USP9Y: variants seen among roughly 807,000 people sequenced by gnomAD.
The protein encoded by USP9Y is ubiquitin carboxyl-terminal hydrolase 9Y.
In USP9Y, 41 loss-of-function variants were observed where a neutral mutation model predicts 53.1. The observed-to-expected ratio is 0.77, with a 90% CI of 0.60 to 1.00. USP9Y has a LOEUF of 1.00. Ranked by LOEUF, USP9Y falls within the 50% of genes least tolerant of loss-of-function variation. The pLI, the probability that USP9Y is intolerant of heterozygous loss-of-function variation, is 0.00. For missense variants in USP9Y, 567 were observed against 535.8 expected (o/e 1.06, Z -0.58); for synonymous variants, 220 against 173.7 (o/e 1.27, Z -2.09).
At chrY:12,768,692 A>G in intron 15 of USP9Y, among the ~76,000 whole-genome samples, 2 of 32,452 alleles carry the variant, frequency 6.2e-5, no homozygotes, top group African/African-American at 1.2e-4. Flanking sequence ...AAATTTTCCA[A>G]TACTCATCAT....
chrY:12,773,830 A>G lies in USP9Y; in HGVS notation c.2236A>G (p.Lys746Glu). The change falls in exon 17 of 46, where the codon AAA becomes GAA. Residue 746 changes from lysine to glutamate, a missense_variant. Physicochemically the swap from Lys to Glu is moderately conservative, Grantham distance 56. Coordinates refer to ENST00000338981, the MANE Select transcript of USP9Y (RefSeq NM_004654.4). ...AATGAAATGCTTTGAAAGATTTTTCAAAGCTGTCAATTGTCGAGAAAGGAA... is the reference window on the plus strand; with the variant it reads ...AATGAAATGCTTTGAAAGATTTTTCGAAGCTGTCAATTGTCGAGAAAGGAA... ...NGMKCFERFF[K>E]AVNCRERKLI... is the part of the protein sequence containing the mutation. The G allele has an allele frequency of 1.5e-5, 6 of 396,300 alleles. No homozygotes were observed. Among genetic ancestry groups the G allele is most frequent in the Non-Finnish European group, 2.1e-5 (6 of 282,948 alleles).
At chrY:12,809,401 T>G in intron 27 of USP9Y, among the ~76,000 whole-genome samples, 2 of 32,916 alleles carry the variant, frequency 6.1e-5, no homozygotes, top group African/African-American at 2.4e-4. Context: ...ACCTGTGGGT[T>G]TCATAAATAG....
At chrY:12,774,921 A>G (rs923573136) in intron 17 of USP9Y, among the ~76,000 whole-genome samples, 77 of 33,536 alleles carry the variant, frequency 2.3e-3, no homozygotes, top group Admixed American at 0.021. Context: ...CTATCAATTA[A>G]AAAACTATAT....
intron 2 of USP9Y, 36 bp from the exon 3 acceptor site, chrY:12,709,352 C>T: frequency 4.7e-6 from 1 of 212,207 alleles, no homozygotes; most frequent in Non-Finnish European, 8.2e-6. Context: ...GCTGGTACTT[C>T]ATCTTCTATA....
Position 12,822,843 on chromosome Y carries a change from G to A in USP9Y, c.5021+4233G>A, listed in dbSNP as rs570750668. Reference sequence around the variant, plus strand: ...TATATACCTTTACGCCACTATATCCGAAGGTTTTGCATCTTTTTTTGTTTG... The same window carrying A: ...TATATACCTTTACGCCACTATATCCAAAGGTTTTGCATCTTTTTTTGTTTG... On this transcript the variant is annotated intron_variant, in intron 33 of 45. Transcript: ENST00000338981. 4.7e-3 allele frequency among the ~76,000 whole-genome samples: 156 copies of A among 33,128 alleles called. No individual in the cohort carries two copies. The South Asian group carries it at 0.094, about 20-fold the overall frequency. 88.9% of individuals were successfully genotyped at this position (33,128 alleles called of 37,273 possible).
At chrY:12,711,325 C>T (rs779943122) in intron 3 of USP9Y, among the ~76,000 whole-genome samples, 3 of 32,696 alleles carry the variant, frequency 9.2e-5, no homozygotes, top group Admixed American at 2.8e-4. Context: ...CTTAGTCTGG[C>T]TAGAGGTTTA....
Position 12,847,278 on chromosome Y carries a change from G to T in USP9Y, c.7015G>T (p.Asp2339Tyr). ...SYTYELRPYL[D>Y]LLFQILLIED... ...TACCTATGAACTTCGGCCATATTTA[G>T]ATCTACTTTTCCAAATTTTACTGAT... Residue 2339 changes from aspartate to tyrosine, a missense_variant, in exon 42 of 46, where the codon GAT becomes TAT. Coordinates refer to ENST00000338981, the MANE Select transcript of USP9Y (RefSeq NM_004654.4). The T allele has an allele frequency of 2.5e-6, 1 of 396,490 alleles. No homozygotes were observed. Among genetic ancestry groups the T allele is most frequent in the East Asian group, 9.2e-5 (1 of 10,849 alleles).
intron 12 of USP9Y, among the ~76,000 whole-genome samples, chrY:12,746,593 C>T (rs2053460831): frequency 3.0e-5 from 1 of 33,340 alleles, no homozygotes; most frequent in Non-Finnish European, 7.4e-5. Context: ...TTAAGACAGT[C>T]CTTTATTCTT....
chrY:12,850,521 C>T, intron 42 of USP9Y, among the ~76,000 whole-genome samples: 3 of 28,494 alleles, frequency 1.1e-4, no homozygotes, highest in Non-Finnish European at 8.3e-5. Flanking sequence ...TGTGTTCTTG[C>T]CTTCTGCTAG....
At chrY:12,741,153 G>T in intron 12 of USP9Y, among the ~76,000 whole-genome samples, 1 of 32,001 alleles carries the variant, frequency 3.1e-5, no homozygotes, top group South Asian at 7.3e-4. Context: ...AGTGAGTCAA[G>T]ATCACACCAC....
At chrY:12,839,532 T>C in intron 35 of USP9Y, among the ~76,000 whole-genome samples, 2 of 32,970 alleles carry the variant, frequency 6.1e-5, no homozygotes, top group African/African-American at 2.4e-4. Flanking sequence ...TGGTTTAAAC[T>C]ATACAGGAGG....
chrY:12,825,566 C>T, intron 33 of USP9Y, among the ~76,000 whole-genome samples: 3 of 32,211 alleles, frequency 9.3e-5, no homozygotes, highest in African/African-American at 3.7e-4. Context: ...CAGGAGCAGA[C>T]GACTATGAGC....
chrY:12,824,547 C>T (rs2053544531), intron 33 of USP9Y, among the ~76,000 whole-genome samples: 1 of 32,485 alleles, frequency 3.1e-5, no homozygotes, highest in Non-Finnish European at 7.6e-5. Flanking sequence ...AAAAAAAATC[C>T]AAGCTTGGAA....
chrY:12,786,310 T>C lies in USP9Y; in HGVS notation c.3259T>C (p.Ser1087Pro). Reference protein sequence around the residue: ...LDSLFFGPSASQVLYLTEVVY... With the variant: ...LDSLFFGPSAPQVLYLTEVVY... ...CTCTCTTTTCTTTGGTCCTTCTGCC[T>C]CCCAAGTTCTATACCTAACAGAGGT... Residue 1087 changes from serine to proline, a missense_variant, in exon 23 of 46, where the codon TCC becomes CCC. By Grantham distance (74) the Ser-to-Pro change is moderately conservative. Coordinates refer to ENST00000338981, the MANE Select transcript of USP9Y (RefSeq NM_004654.4). 2.5e-6 allele frequency: 1 copy of C among 398,529 alleles called. No homozygotes were observed. The highest frequency in any genetic ancestry group is 3.5e-6 in the Non-Finnish European group (1 of 283,388).
intron 4 of USP9Y, chrY:12,721,342 T>C: frequency 3.0e-5 from 1 of 33,608 alleles, no homozygotes; most frequent in East Asian, 7.7e-4. Flanking sequence ...TAATAGATTA[T>C]ATGTATTGAG....
At chrY:12,724,394 C>T (rs1603196205) in intron 5 of USP9Y, among the ~76,000 whole-genome samples, 1 of 33,004 alleles carries the variant, frequency 3.0e-5, no homozygotes, top group East Asian at 7.9e-4. Flanking sequence ...CCAGCCTGGC[C>T]AATATGGCAA....
At position 12,816,066 on chromosome Y, in the gene USP9Y, A is replaced by C. The variant is rs72625380; in HGVS notation, c.4610-58A>C. On this transcript the variant is annotated intron_variant, in intron 31 of 45. Coordinates refer to ENST00000338981, the MANE Select transcript of USP9Y (RefSeq NM_004654.4). ...GCTATTATTAATTTGTTAGCCTGAA[A>C]ATGGTGAACAGAATCACTGTTTTCA... The C allele has an allele frequency of 3.4e-4, 119 of 351,385 alleles. No individual in the cohort carries two copies. In the East Asian group the frequency reaches 0.011, roughly 32 times the overall value. 87.6% of individuals were successfully genotyped at this position (351,385 alleles called of 400,897 possible).
chrY:12,727,126 A>G (rs2053443494), intron 7 of USP9Y, among the ~76,000 whole-genome samples: 1 of 34,032 alleles, frequency 2.9e-5, no homozygotes, highest in Non-Finnish European at 7.3e-5. Context: ...TACTGCAAAT[A>G]AGCATGGGCT....
intron 42 of USP9Y, among the ~76,000 whole-genome samples, chrY:12,852,875 C>A: frequency 6.0e-5 from 2 of 33,309 alleles, no homozygotes; most frequent in African/African-American, 1.2e-4. Flanking sequence ...TGCAGAACAG[C>A]AAATATTGCT....
Sources: allele counts gnomAD v4.1 joint callset (sites outside exome capture counted in the v4.1 genomes callset), GRCh38; gene constraint gnomAD v4.1.1; transcripts MANE v1.5; gene names NCBI Gene and HGNC (gene_info 2026-07-23, HGNC 2026-07-21).